Variants in TMEM131 observed in about 807,000 individuals in gnomAD.
TMEM131 encodes the protein transmembrane protein 131.
In TMEM131, 66 loss-of-function variants were observed where a neutral mutation model predicts 211.6. The ratio of observed to expected loss-of-function variants is 0.31; its 90% CI spans 0.26 to 0.38. The LOEUF (loss-of-function observed/expected upper bound fraction) is 0.38. TMEM131 is among the 10% of genes least tolerant of loss of function. The pLI is 1.00. For synonymous variants in TMEM131, 844 were observed against 841.3 expected, an observed-to-expected ratio of 1.00 and a Z score of -0.06; for missense variants, 2,036 against 2,299.3, an observed-to-expected ratio of 0.89 and a Z score of 2.34.
intron 33 of TMEM131, among the ~76,000 whole-genome samples, chr2:97,770,791 T>C (rs879920986): frequency 6.6e-6 from 1 of 152,222 alleles, no homozygotes; most frequent in Non-Finnish European, 1.5e-5. Flanking sequence ...AGATAATTCT[T>C]AGATGCACTG....
intron 19 of TMEM131, among the ~76,000 whole-genome samples, chr2:97,807,048 G>A (rs1197135490): frequency 6.6e-6 from 1 of 152,190 alleles, no homozygotes; most frequent in African/African-American, 2.4e-5. Context: ...TATAAATGCT[G>A]CTCTCACAAT....
At chr2:97,991,344 T>C (rs971172507) in intron 1 of TMEM131, among the ~76,000 whole-genome samples, 2 of 152,046 alleles carry the variant, frequency 1.3e-5, no homozygotes, top group African/African-American at 2.4e-5. Flanking sequence ...TGAACAGAAA[T>C]GGCGAAAGGC....
chr2:97,922,922 A>T (rs1676805580), intron 2 of TMEM131, among the ~76,000 whole-genome samples: 1 of 152,264 alleles, frequency 6.6e-6, no homozygotes, highest in Admixed American at 6.5e-5. Context: ...AAATAAATGA[A>T]TCAAAATCGT....
intron 5 of TMEM131, 102 bp from the exon 6 acceptor site, chr2:97,844,363 C>T: frequency 2.6e-6 from 1 of 390,440 alleles, no homozygotes; most frequent in Non-Finnish European, 4.7e-6. Context: ...ACTAGTTTTT[C>T]CTTTAAAAGT....
chr2:97,865,455 C>G (rs777642101), intron 4 of TMEM131, among the ~76,000 whole-genome samples: 1 of 152,132 alleles, frequency 6.6e-6, no homozygotes, highest in Non-Finnish European at 1.5e-5. Flanking sequence ...AAGAAAATCC[C>G]GTCTATCCTA....
chr2:97,841,621 TATTCCAAAATTCA>T (rs1683199729), intron 7 of TMEM131, among the ~76,000 whole-genome samples, 181 bp downstream of exon 7: 1 of 11,844 alleles, frequency 8.4e-5, no homozygotes, highest in African/African-American at 3.2e-3. Context: ...CAGACTGCTG[TATTCCAAAATTCA>T]GACTGCTGTA....
chr2:97,865,257 A>G (rs1674225976), intron 4 of TMEM131, among the ~76,000 whole-genome samples: 1 of 152,250 alleles, frequency 6.6e-6, no homozygotes, highest in African/African-American at 2.4e-5. Flanking sequence ...ATTGGATAAC[A>G]CACACAATGT....
chr2:97,995,434 G>A lies in TMEM131; in HGVS notation c.187+42C>T, dbSNP rs757796973. On this transcript the variant is annotated intron_variant, in intron 1 of 40. Coordinates refer to ENST00000186436, the MANE Select transcript of TMEM131 (RefSeq NM_015348.2). Reference sequence around the variant, plus strand: ...GCCCTCCCGGCCTCCGCGAGAGCGGGGTGACAGCCCCGCCGCAGGGACGCC... The same window carrying A: ...GCCCTCCCGGCCTCCGCGAGAGCGGAGTGACAGCCCCGCCGCAGGGACGCC... 5.3e-6 allele frequency: 7 copies of A among 1,323,404 alleles called. No homozygotes were observed. The South Asian group carries it at 8.3e-5, about 16-fold the overall frequency. The allele number at this position is 1,323,404 out of a possible 1,614,324, so 82.0% of individuals were successfully genotyped here.
chr2:97,979,842 G>C (rs778536992), intron 1 of TMEM131, among the ~76,000 whole-genome samples: 5 of 152,140 alleles, frequency 3.3e-5, no homozygotes, highest in Non-Finnish European at 7.3e-5. Context: ...TTGGCTGTTT[G>C]GTACGAGAGG....
At chr2:97,960,709 C>A (rs549211813) in intron 1 of TMEM131, among the ~76,000 whole-genome samples, 1 of 151,946 alleles carries the variant, frequency 6.6e-6, no homozygotes, top group Non-Finnish European at 1.5e-5. Context: ...TAATCCAACA[C>A]CAGAAATAAA....
At chr2:97,896,616 G>A (rs566939834) in intron 3 of TMEM131, among the ~76,000 whole-genome samples, 17 of 152,180 alleles carry the variant, frequency 1.1e-4, no homozygotes, top group African/African-American at 4.1e-4. Flanking sequence ...ATTATGTAAT[G>A]CCCTTCTTTG....
At chr2:97,991,280 AATGAATG>A (rs1223820994) in intron 1 of TMEM131, among the ~76,000 whole-genome samples, 1 of 152,224 alleles carries the variant, frequency 6.6e-6, no homozygotes, top group Non-Finnish European at 1.5e-5. Context: ...TAGGTGTCAA[AATGAATG>A]ATGAATGATT....
intron 12 of TMEM131, among the ~76,000 whole-genome samples, chr2:97,817,973 T>TA (rs1269506121): frequency 2.0e-5 from 3 of 152,204 alleles, no homozygotes; most frequent in African/African-American, 2.4e-5. Context: ...AAGCAGCCAT[T>TA]AAGTCATTAT....
chr2:97,853,525 G>A (rs1353908313), intron 5 of TMEM131, among the ~76,000 whole-genome samples: 3 of 150,180 alleles, frequency 2.0e-5, no homozygotes. Context: ...AGAATTGCTT[G>A]AACCTGGGAG....
intron 1 of TMEM131, among the ~76,000 whole-genome samples, chr2:97,994,252 G>A (rs1009525088): frequency 6.6e-6 from 1 of 152,196 alleles, no homozygotes; most frequent in African/African-American, 2.4e-5. Context: ...TAGTCCTAAA[G>A]CGGCAATATT....
chr2:97,814,375 C>A lies in TMEM131; in HGVS notation c.1306G>T (p.Asp436Tyr). Residue 436 changes from aspartate to tyrosine, a missense_variant, in exon 14 of 41, where the codon GAT becomes TAT. Physicochemically the swap from Asp to Tyr is radical, Grantham distance 160 (BLOSUM62 -3). This residue lies in a region of TMEM131 where 1,623 missense variants were observed against 1,805.9 expected (regional missense o/e 0.90). Transcript: ENST00000186436. ...AEVLDGYLGF[D>Y]HAATLFHIRD... ...ATGTGAAATAATGTTGCAGCATGAT[C>A]AAATCCCAAATAACTATTAAAAAAA... 1 of 1,598,876 alleles carries A rather than the reference C, an allele frequency of 6.3e-7. No individual in the cohort carries two copies. Among genetic ancestry groups the A allele is most frequent in the Non-Finnish European group, 8.5e-7 (1 of 1,174,014 alleles).
Position 97,835,967 on chromosome 2 carries a change from T to C in TMEM131, c.805-1042A>G, listed in dbSNP as rs140065200. Among the ~76,000 whole-genome samples, 219 of 152,358 alleles carry C rather than the reference T, an allele frequency of 1.4e-3. 1 individual carries two copies. The highest frequency in any genetic ancestry group is 5.0e-3 in the African/African-American group (210 of 41,586). On this transcript the variant is annotated intron_variant, in intron 8 of 40. Transcript: ENST00000186436. ...AAATCTGAATTCTCTTAGGTTTATT[T>C]ATTAGATACCAATTATGTTTCACAG...
intron 40 of TMEM131, 85 bp from the exon 41 acceptor site, chr2:97,757,468 AG>A: frequency 7.1e-7 from 1 of 1,418,132 alleles, no homozygotes; most frequent in Non-Finnish European, 9.5e-7. Flanking sequence ...AGAAAAGATG[AG>A]GCTGGGGCAC....
At chr2:97,797,035 A>G in intron 26 of TMEM131, 49 bp from the exon 27 acceptor site, 1 of 1,559,696 alleles carries the variant, frequency 6.4e-7, no homozygotes, top group Non-Finnish European at 8.7e-7. Flanking sequence ...AATCTGCACA[A>G]TCTTTTGATT....
Sources: gnomAD v4.1 joint callset for allele counts (sites outside exome capture counted in the v4.1 genomes callset) on GRCh38, gnomAD v4.1.1 for gene constraint, gnomAD v4.1.1 regional missense constraint, MANE v1.5 for transcripts, NCBI Gene and HGNC (gene_info 2026-07-23, HGNC 2026-07-21) for gene names.